The following PCA3 variants were observed in gnomAD, a reference collection of about 807,000 sequenced individuals.
PCA3 encodes the protein prostate cancer associated 3, also known as Differential Display code 3.
chr9:76,767,417 C>T (rs1040917225), intron 2 of PCA3, among the ~76,000 whole-genome samples: 3 of 151,124 alleles, frequency 2.0e-5, no homozygotes, highest in African/African-American at 7.3e-5. Flanking sequence ...TGCCACTGCG[C>T]TCCAGCCTGG....
At chr9:76,780,887 C>T (rs2054310860) in intron 2 of PCA3, among the ~76,000 whole-genome samples, 5 of 152,144 alleles carry the variant, frequency 3.3e-5, no homozygotes, top group Admixed American at 6.5e-5. Flanking sequence ...ACGCTGCAAC[C>T]TAGGGTGTGC....
rs902031492 is a variant in PCA3, at chr9:76,768,937, T to C, written n.852+32322T>C. Among the ~76,000 whole-genome samples, 8 of 152,352 alleles carry C rather than the reference T, an allele frequency of 5.3e-5. No homozygotes were observed. The East Asian group carries it at 1.5e-3, about 29-fold the overall frequency. On this transcript the variant is annotated intron_variant and non_coding_transcript_variant, in intron 2 of 5. Coordinates refer to ENST00000644657, the Ensembl canonical transcript of PCA3. Reference sequence around the variant, plus strand: ...AAATTTAAATTACAGTAGTAATAGATGCCTTGTTTTAACAAGTCAAACAAA... The same window carrying C: ...AAATTTAAATTACAGTAGTAATAGACGCCTTGTTTTAACAAGTCAAACAAA...
At chr9:76,782,748 G>A (rs2054555777) in intron 2 of PCA3, 1 of 152,206 alleles carries the variant, frequency 6.6e-6, no homozygotes, top group African/African-American at 2.4e-5. Flanking sequence ...AGTCTCCTCA[G>A]TGACACAGGG....
chr9:76,775,671 T>G (rs1410094713), intron 2 of PCA3, among the ~76,000 whole-genome samples: 1 of 152,210 alleles, frequency 6.6e-6, no homozygotes, highest in Non-Finnish European at 1.5e-5. Context: ...CAAGGAATGT[T>G]ATCTCTTTAC....
intron 2 of PCA3, among the ~76,000 whole-genome samples, chr9:76,774,284 C>T (rs1224220182): frequency 6.6e-6 from 1 of 151,612 alleles, no homozygotes; most frequent in Admixed American, 6.6e-5. Flanking sequence ...TACAGGTGTG[C>T]ACCACCATGC....
chr9:76,767,689 C>T (rs1229872261), intron 2 of PCA3, among the ~76,000 whole-genome samples: 1 of 152,160 alleles, frequency 6.6e-6, no homozygotes, highest in Non-Finnish European at 1.5e-5. Context: ...TCTCTTGACC[C>T]TATTTTGTTT....
chr9:76,777,773 T>A (rs2053958544), intron 2 of PCA3, among the ~76,000 whole-genome samples: 1 of 152,162 alleles, frequency 6.6e-6, no homozygotes, highest in East Asian at 1.9e-4. Context: ...AAGGGAAGTA[T>A]TATTTTATAT....
intron 2 of PCA3, among the ~76,000 whole-genome samples, chr9:76,777,503 G>A (rs2053930248): frequency 6.6e-6 from 1 of 152,120 alleles, no homozygotes; most frequent in Non-Finnish European, 1.5e-5. Flanking sequence ...AATTTCAGGG[G>A]CAAGGACTCC....
At chr9:76,768,359 A>T (rs575083645) in intron 2 of PCA3, among the ~76,000 whole-genome samples, 1 of 151,846 alleles carries the variant, frequency 6.6e-6, no homozygotes, top group African/African-American at 2.4e-5. Flanking sequence ...TGCCCAGTTA[A>T]TTTTTGTATT....
chr9:76,782,444 A>G (rs549279087), intron 2 of PCA3, among the ~76,000 whole-genome samples: 3 of 152,152 alleles, frequency 2.0e-5, no homozygotes, highest in Non-Finnish European at 4.4e-5. Context: ...CAGCCTTGGG[A>G]AAGTTATTCT....
intron 2 of PCA3, among the ~76,000 whole-genome samples, chr9:76,780,262 C>T (rs952412091): frequency 5.9e-5 from 9 of 152,218 alleles, no homozygotes; most frequent in Non-Finnish European, 1.2e-4. Flanking sequence ...GAAGCAGCTG[C>T]GCACTCCCCC....
rs147205969 is a variant in PCA3 at position 76,766,232 on chromosome 9, C to G, written n.852+29617C>G. ...AAATATACCAAAGTAAATGCAATATCATTTTTGATTTTTACAAACTAGCTT... is the reference window on the plus strand; with the variant it reads ...AAATATACCAAAGTAAATGCAATATGATTTTTGATTTTTACAAACTAGCTT... On this transcript the variant is annotated intron_variant and non_coding_transcript_variant, in intron 2 of 5. Transcript: ENST00000644657. Among the ~76,000 whole-genome samples, 900 of 150,572 alleles carry G rather than the reference C, an allele frequency of 6.0e-3. 5 individuals are homozygous for G. Among genetic ancestry groups the G allele is most frequent in the Non-Finnish European group, 0.01 (701 of 67,670 alleles).
At chr9:76,776,336 T>G (rs1199516085) in intron 2 of PCA3, among the ~76,000 whole-genome samples, 1 of 151,390 alleles carries the variant, frequency 6.6e-6, no homozygotes. Context: ...TCACTCTCTG[T>G]GTCCATGTGT....
intron 2 of PCA3, chr9:76,778,810 A>G (rs1209578354): frequency 6.6e-6 from 1 of 152,238 alleles, no homozygotes; most frequent in Non-Finnish European, 1.5e-5. Context: ...GCATAACACC[A>G]AATTTAATAT....
intron 2 of PCA3, among the ~76,000 whole-genome samples, chr9:76,774,459 T>TTATTTATTTATTTATTTATTTA (rs2053502173): frequency 7.2e-6 from 1 of 139,036 alleles, no homozygotes; most frequent in African/African-American, 2.6e-5. Context: ...CCTTTTTTTT[T>TTATTTATTTATTTATTTATTTA]TTTTTTTTTT....
chr9:76,780,027 T>A (rs925105250), intron 2 of PCA3: 1 of 152,192 alleles, frequency 6.6e-6, no homozygotes, highest in Non-Finnish European at 1.5e-5. Context: ...ACAAGGACCC[T>A]TGATTTCATA....
intron 2 of PCA3, among the ~76,000 whole-genome samples, chr9:76,781,848 G>A (rs1228134768): frequency 1.3e-5 from 2 of 152,156 alleles, no homozygotes; most frequent in East Asian, 1.9e-4. Flanking sequence ...TATAACCAAC[G>A]TGTACAGCAA....
intron 2 of PCA3, among the ~76,000 whole-genome samples, chr9:76,777,383 A>C (rs904176143): frequency 6.6e-6 from 1 of 152,180 alleles, no homozygotes; most frequent in Non-Finnish European, 1.5e-5. Flanking sequence ...AAGCAGGAGC[A>C]CTGGCCAGCC....
chr9:76,766,008 C>T (rs1326589621), intron 2 of PCA3, among the ~76,000 whole-genome samples: 3 of 151,892 alleles, frequency 2.0e-5, no homozygotes, highest in African/African-American at 4.8e-5. Flanking sequence ...TGATGAAACC[C>T]CGTCTCTACT....
Sources: gnomAD v4.1 joint callset for allele counts (sites outside exome capture counted in the v4.1 genomes callset) on GRCh38, gnomAD v4.1.1 for gene constraint, MANE v1.5 for transcripts, NCBI Gene and HGNC (gene_info 2026-07-23, HGNC 2026-07-21) for gene names.